Variants in ROBO2 observed in about 807,000 individuals in gnomAD.
ROBO2 encodes the protein roundabout homolog 2.
A neutral mutation model predicts 160.8 loss-of-function variants in ROBO2; 53 were observed. The observed-to-expected ratio is 0.33, with a 90% confidence interval of 0.26 to 0.41. The LOEUF (loss-of-function observed/expected upper bound fraction) is 0.41. ROBO2 is among the 10% of genes least tolerant of loss of function. The pLI, the probability that ROBO2 is intolerant of heterozygous loss-of-function variation, is 1.00. For missense variants in ROBO2, 1,577 were observed against 1,722.4 expected (o/e 0.92, Z 1.49); for synonymous variants, 664 against 611.7 (o/e 1.09, Z -1.26).
At chr3:76,909,725 C>T (rs2075846597) in intron 2 of ROBO2, among the ~76,000 whole-genome samples, 1 of 152,168 alleles carries the variant, frequency 6.6e-6, no homozygotes, top group African/African-American at 2.4e-5. Context: ...ATTAGAGTCT[C>T]ATAATTCTAG....
At chr3:77,213,136 G>T (rs1015959555) in intron 2 of ROBO2, among the ~76,000 whole-genome samples, 1 of 152,140 alleles carries the variant, frequency 6.6e-6, no homozygotes, top group African/African-American at 2.4e-5. Flanking sequence ...GATTGGAATA[G>T]TTTCAGAAGG....
intron 2 of ROBO2, among the ~76,000 whole-genome samples, chr3:76,482,955 T>C (rs1297932163): frequency 6.6e-6 from 1 of 152,190 alleles, no homozygotes; most frequent in Non-Finnish European, 1.5e-5. Context: ...CAATAATTTC[T>C]GTGTTTCCAA....
intron 2 of ROBO2, among the ~76,000 whole-genome samples, chr3:76,567,632 T>TATATATATACATATAC (rs1553805627): frequency 2.5e-5 from 2 of 79,118 alleles, no homozygotes; most frequent in Non-Finnish European, 5.2e-5. Flanking sequence ...TATATATATA[T>TATATATATACATATAC]ATATATATAT....
intron 2 of ROBO2, among the ~76,000 whole-genome samples, chr3:76,197,040 G>A (rs570281096): frequency 8.5e-5 from 13 of 152,316 alleles, no homozygotes; most frequent in African/African-American, 2.6e-4. Flanking sequence ...CAGTTAAGTC[G>A]CTGGTTATAC....
At chr3:77,012,865 T>C (rs1483789494) in intron 2 of ROBO2, among the ~76,000 whole-genome samples, 1 of 152,302 alleles carries the variant, frequency 6.6e-6, no homozygotes, top group Admixed American at 6.5e-5. Context: ...CTAAACTCAG[T>C]CCAATTATAT....
intron 2 of ROBO2, among the ~76,000 whole-genome samples, chr3:76,630,111 A>G (rs1225165691): frequency 6.6e-6 from 1 of 152,158 alleles, no homozygotes; most frequent in Non-Finnish European, 1.5e-5. Context: ...TTTTGTTATA[A>G]TGTTGATGAG....
intron 2 of ROBO2, among the ~76,000 whole-genome samples, chr3:76,684,987 C>G (rs1176974551): frequency 6.6e-6 from 1 of 151,350 alleles, no homozygotes; most frequent in Non-Finnish European, 1.5e-5. Flanking sequence ...ATGCAAAAGT[C>G]TTTCCACCAC....
intron 2 of ROBO2, among the ~76,000 whole-genome samples, chr3:77,445,164 G>A (rs183646370): frequency 3.6e-4 from 55 of 152,302 alleles, no homozygotes; most frequent in African/African-American, 1.3e-3. Context: ...ATGAAGACAG[G>A]AGAGCAGAAA....
intron 2 of ROBO2, among the ~76,000 whole-genome samples, chr3:76,856,295 T>G (rs571086906): frequency 6.6e-6 from 1 of 152,344 alleles, no homozygotes; most frequent in Admixed American, 6.5e-5. Context: ...CTTTTTTAAA[T>G]GAATGTTATT....
intron 24 of ROBO2, among the ~76,000 whole-genome samples, chr3:77,637,109 C>G (rs2095276622): frequency 6.6e-6 from 1 of 152,180 alleles, no homozygotes; most frequent in African/African-American, 2.4e-5. Flanking sequence ...CTGGAAAGCT[C>G]TTAAAATATA....
chr3:76,946,489 G>A (rs1011625592), intron 2 of ROBO2, among the ~76,000 whole-genome samples: 2 of 152,092 alleles, frequency 1.3e-5, no homozygotes, highest in Non-Finnish European at 2.9e-5. Context: ...CCAGGCTGGA[G>A]TGCAGTGGTG....
chr3:76,147,406 G>A (rs1038661309), intron 2 of ROBO2, among the ~76,000 whole-genome samples: 2 of 151,698 alleles, frequency 1.3e-5, no homozygotes, highest in African/African-American at 2.4e-5. Flanking sequence ...AATAAGTAAA[G>A]GGTGTGTGTG....
intron 2 of ROBO2, among the ~76,000 whole-genome samples, chr3:76,417,324 A>T (rs1456893293): frequency 1.3e-5 from 2 of 152,228 alleles, no homozygotes; most frequent in African/African-American, 4.8e-5. Flanking sequence ...AACAAGATTC[A>T]GTGACTGCTT....
At chr3:76,806,207 C>CTGTGTGTGTG (rs781013563) in intron 2 of ROBO2, among the ~76,000 whole-genome samples, 11 of 80,420 alleles carry the variant, frequency 1.4e-4, no homozygotes, top group African/African-American at 1.8e-4. Flanking sequence ...TGTTTATTTT[C>CTGTGTGTGTG]TGTGTGCGTG....
chr3:76,990,982 C>A (rs1008711814), intron 2 of ROBO2, among the ~76,000 whole-genome samples: 3 of 152,140 alleles, frequency 2.0e-5, no homozygotes, highest in South Asian at 2.1e-4. Context: ...GGTAGCAAGA[C>A]CCCAGAAGCA....
intron 2 of ROBO2, among the ~76,000 whole-genome samples, chr3:77,395,923 C>CA (rs1024631491): frequency 6.6e-6 from 1 of 150,484 alleles, no homozygotes; most frequent in Non-Finnish European, 1.5e-5. Context: ...ACCTGCCCCC[C>CA]TTTTTTTTTA....
At chr3:77,269,731 C>T (rs970230040) in intron 2 of ROBO2, among the ~76,000 whole-genome samples, 2 of 152,108 alleles carry the variant, frequency 1.3e-5, no homozygotes, top group African/African-American at 4.8e-5. Flanking sequence ...ATATGTATTT[C>T]TGAGATTGAC....
At chr3:76,179,425 C>T (rs184643935) in intron 2 of ROBO2, among the ~76,000 whole-genome samples, 8 of 152,320 alleles carry the variant, frequency 5.3e-5, no homozygotes, top group Admixed American at 3.3e-4. Context: ...ATCTGAATTA[C>T]TTAAGTCAGG....
At chr3:77,459,117 T>G (rs1194960644) in intron 2 of ROBO2, among the ~76,000 whole-genome samples, 1 of 152,186 alleles carries the variant, frequency 6.6e-6, no homozygotes, top group East Asian at 1.9e-4. Flanking sequence ...GTTATGGATG[T>G]GATAAGAAGT....
Sources: allele counts gnomAD v4.1 joint callset (sites outside exome capture counted in the v4.1 genomes callset), GRCh38; gene constraint gnomAD v4.1.1; transcripts MANE v1.5; gene names NCBI Gene and HGNC (gene_info 2026-07-23, HGNC 2026-07-21).